Variants in DLG2 observed in about 807,000 individuals in gnomAD.
DLG2 encodes the protein discs large MAGUK scaffold protein 2.
In DLG2, 45 loss-of-function variants were observed where a neutral mutation model predicts 132.5. The ratio of observed to expected loss-of-function variants is 0.34; its 90% CI spans 0.27 to 0.44. The LOEUF is 0.44. DLG2 is among the 20% of genes least tolerant of loss of function. DLG2 has a pLI of 1.00. For synonymous variants in DLG2, 424 were observed against 419.6 expected (o/e 1.01, Z -0.13); for missense variants, 1,045 against 1,196.9 (o/e 0.87, Z 1.87).
intron 6 of DLG2, among the ~76,000 whole-genome samples, chr11:84,644,442 C>T (rs1375769345): frequency 1.3e-5 from 2 of 151,840 alleles, no homozygotes; most frequent in Non-Finnish European, 1.5e-5. Flanking sequence ...CGCGGTGGCT[C>T]ACACCTGTAA....
At chr11:85,468,516 T>C (rs1295674667) in intron 3 of DLG2, among the ~76,000 whole-genome samples, 2 of 152,236 alleles carry the variant, frequency 1.3e-5, no homozygotes, top group African/African-American at 4.8e-5. Context: ...ATTGAGTCTT[T>C]GTTCTCATTG....
chr11:84,086,292 A>G (rs1221463595), intron 10 of DLG2, among the ~76,000 whole-genome samples: 8 of 152,208 alleles, frequency 5.3e-5, no homozygotes, highest in Admixed American at 4.6e-4. Flanking sequence ...AGATTTGTAA[A>G]TGGGGATATT....
chr11:84,734,866 A>G (rs2063621666), intron 6 of DLG2, among the ~76,000 whole-genome samples: 1 of 152,066 alleles, frequency 6.6e-6, no homozygotes, highest in African/African-American at 2.4e-5. Flanking sequence ...GAATTTTGTC[A>G]AAGGCCTTTT....
chr11:83,838,035 C>G (rs913049782), intron 16 of DLG2, among the ~76,000 whole-genome samples: 2 of 151,724 alleles, frequency 1.3e-5, no homozygotes, highest in African/African-American at 4.9e-5. Flanking sequence ...AACACTGAAG[C>G]TCTATATAGT....
At chr11:84,996,459 C>A (rs2057661441) in intron 6 of DLG2, among the ~76,000 whole-genome samples, 1 of 152,126 alleles carries the variant, frequency 6.6e-6, no homozygotes, top group Non-Finnish European at 1.5e-5. Context: ...CTGTGTACTA[C>A]TTAAGTCACC....
intron 6 of DLG2, among the ~76,000 whole-genome samples, chr11:85,097,517 A>G (rs2070063660): frequency 6.6e-6 from 1 of 152,218 alleles, no homozygotes; most frequent in Non-Finnish European, 1.5e-5. Flanking sequence ...AAAATGAATA[A>G]TGGTGATGAG....
rs1400906684 is a variant in DLG2, at chr11:84,928,982, G to GTGTGTATATATATATA, written c.357+182678_357+182679insTATATATATATACACA. 1.9e-3 allele frequency among the ~76,000 whole-genome samples: 92 copies of GTGTGTATATATATATA among 49,086 alleles called. 1 individual carries two copies. The highest frequency in any genetic ancestry group is 2.2e-3 in the Non-Finnish European group (61 of 28,142). 32.2% of individuals were successfully genotyped at this position (49,086 alleles called of 152,430 possible). On this transcript the variant is annotated intron_variant, in intron 6 of 27. Transcript: ENST00000376104. ...TATGTGTGTGTGTGTGTGTGTGTGTGTATATATATATATATATATATATAT... is the reference window on the plus strand; with the variant it reads ...TATGTGTGTGTGTGTGTGTGTGTGTGTGTGTATATATATATATATATATATATATATATATATATAT...
At chr11:84,948,373 C>A (rs530740133) in intron 6 of DLG2, among the ~76,000 whole-genome samples, 1 of 152,288 alleles carries the variant, frequency 6.6e-6, no homozygotes, top group South Asian at 2.1e-4. Flanking sequence ...ACCTACTGTG[C>A]ATATCCAGAG....
chr11:85,406,745 T>C (rs570742775), intron 3 of DLG2, among the ~76,000 whole-genome samples: 1 of 151,832 alleles, frequency 6.6e-6, no homozygotes, highest in Admixed American at 6.6e-5. Flanking sequence ...ACAGAGTAAG[T>C]TAAACAAAAC....
At position 83,633,235 on chromosome 11, in the gene DLG2, T is replaced by C. The variant is rs146211329; in HGVS notation, c.1916A>G (p.Asn639Ser). ...MSSGSGSLRT[N>S]QKRSLYVRAM... The stretch of plus-strand genomic sequence containing the variant: ...CCTGACGTAGAGGGAGCGTTTCTGA[T>C]TGGTTCGCAGGGATCCGGACCCGGA... The change falls in exon 19 of 28, where the codon AAT becomes AGT. Residue 639 changes from asparagine to serine, a missense_variant. Asn to Ser is a conservative substitution (Grantham distance 46, BLOSUM62 1). Coordinates refer to ENST00000376104, the MANE Select transcript of DLG2 (RefSeq NM_001142699.3). 2 of 1,613,674 alleles carry C rather than the reference T, an allele frequency of 1.2e-6. No individual in the cohort carries two copies. The highest frequency in any genetic ancestry group is 1.7e-6 in the Non-Finnish European group (2 of 1,179,720).
intron 7 of DLG2, among the ~76,000 whole-genome samples, chr11:84,257,624 G>A (rs1336705431): frequency 2.7e-5 from 4 of 150,586 alleles, no homozygotes; most frequent in South Asian, 4.2e-4. Flanking sequence ...TCTGGCTCCA[G>A]AGCCATGTTC....
intron 7 of DLG2, among the ~76,000 whole-genome samples, chr11:84,427,287 A>G (rs1175782502): frequency 6.6e-6 from 1 of 152,132 alleles, no homozygotes; most frequent in Admixed American, 6.5e-5. Flanking sequence ...ACGGAAGAAA[A>G]AGTTTTTACA....
chr11:85,430,843 C>A, intron 3 of DLG2, among the ~76,000 whole-genome samples: 1 of 85,118 alleles, frequency 1.2e-5, no homozygotes, highest in African/African-American at 5.3e-5. Flanking sequence ...GAAAAGCTAG[C>A]CAGTCAAAAA....
rs144332933 is a variant in DLG2 at position 83,803,816 on chromosome 11, C to T, written c.1723-17024G>A. On this transcript the variant is annotated intron_variant, in intron 17 of 27. Coordinates refer to ENST00000376104, the MANE Select transcript of DLG2 (RefSeq NM_001142699.3). ...CCAGAGACATATCTGTCAAACAGTC[C>T]ACTCCTAAAACATCTGAAAGGCTTG... 7.7e-3 allele frequency among the ~76,000 whole-genome samples: 1,178 copies of T among 152,056 alleles called. 22 individuals are homozygous for T. Among genetic ancestry groups the T allele is most frequent in the African/African-American group, 0.027 (1,108 of 41,476 alleles).
At chr11:84,707,911 C>T (rs959629495) in intron 6 of DLG2, among the ~76,000 whole-genome samples, 9 of 151,946 alleles carry the variant, frequency 5.9e-5, no homozygotes, top group Admixed American at 5.9e-4. Context: ...GAAGCATGGT[C>T]AGTCCCCGGA....
chr11:83,787,038 T>G (rs1323845386), intron 17 of DLG2, among the ~76,000 whole-genome samples: 1 of 152,200 alleles, frequency 6.6e-6, no homozygotes, highest in Non-Finnish European at 1.5e-5. Flanking sequence ...TATCTATTCA[T>G]GTTCTAGTGT....
At chr11:84,737,789 A>G (rs1289796573) in intron 6 of DLG2, among the ~76,000 whole-genome samples, 1 of 152,038 alleles carries the variant, frequency 6.6e-6, no homozygotes, top group African/African-American at 2.4e-5. Flanking sequence ...CATCTTAGAA[A>G]GTGAGTGAAA....
intron 21 of DLG2, among the ~76,000 whole-genome samples, chr11:83,522,391 A>C (rs1028960067): frequency 1.3e-5 from 2 of 152,176 alleles, no homozygotes; most frequent in African/African-American, 4.8e-5. Flanking sequence ...GTCTCCACCC[A>C]GTGGCCAGAG....
At chr11:84,615,826 A>C (rs1289369330) in intron 6 of DLG2, among the ~76,000 whole-genome samples, 4 of 144,970 alleles carry the variant, frequency 2.8e-5, no homozygotes, top group Non-Finnish European at 6.1e-5. Flanking sequence ...GGTAAAAAAA[A>C]AAAAAAAAAA....
Sources: gnomAD v4.1 joint callset for allele counts (sites outside exome capture counted in the v4.1 genomes callset) on GRCh38, gnomAD v4.1.1 for gene constraint, MANE v1.5 for transcripts, NCBI Gene and HGNC (gene_info 2026-07-23, HGNC 2026-07-21) for gene names.